GPC6: variants seen among roughly 807,000 people sequenced by gnomAD.
GPC6 encodes the protein glypican 6.
In GPC6, 14 loss-of-function variants were observed where a neutral mutation model predicts 55.2. That is an observed-to-expected ratio of 0.25 (90% CI 0.17 to 0.40). The LOEUF (loss-of-function observed/expected upper bound fraction) is 0.40, where lower values mean the gene tolerates loss of function less well. GPC6 is among the 10% of genes least tolerant of loss of function. The pLI is 1.00. For synonymous variants in GPC6, 278 were observed against 259.6 expected, an observed-to-expected ratio of 1.07 and a Z score of -0.68; for missense variants, 641 against 708.5, an observed-to-expected ratio of 0.90 and a Z score of 1.08.
At chr13:94,305,830 G>A in intron 5 of GPC6, 150 bp from the exon 6 acceptor site, 1 of 773,554 alleles carries the variant, frequency 1.3e-6, no homozygotes, top group Non-Finnish European at 2.3e-6. Flanking sequence ...TATATTAGTG[G>A]TTATACTTGT....
intron 2 of GPC6, among the ~76,000 whole-genome samples, chr13:93,641,911 G>T (rs1392999989): frequency 6.6e-6 from 1 of 151,742 alleles, no homozygotes; most frequent in Non-Finnish European, 1.5e-5. Flanking sequence ...TCATAATGAT[G>T]GTATGTCATC....
rs569567542 is a variant in GPC6, at chr13:93,324,744, C to T, written c.160+97128C>T. Among the ~76,000 whole-genome samples, 3 of 151,890 alleles carry T rather than the reference C, an allele frequency of 2.0e-5. No homozygotes were observed. In the South Asian group the frequency reaches 6.3e-4, roughly 32 times the overall value. ...TAAGTATTGGAGGATGTGGCTGTCT[C>T]ATATGGGGGGTTGGGGTTGCAGTAT... On this transcript the variant is annotated intron_variant, in intron 1 of 8. Transcript: ENST00000377047.
At chr13:94,347,951 G>A (rs570459451) in intron 6 of GPC6, among the ~76,000 whole-genome samples, 13 of 152,322 alleles carry the variant, frequency 8.5e-5, no homozygotes, top group African/African-American at 2.4e-4. Context: ...AAAAGCATGC[G>A]GACAGCATCT....
chr13:93,803,990 T>C (rs1428276720), intron 2 of GPC6, among the ~76,000 whole-genome samples: 1 of 152,168 alleles, frequency 6.6e-6, no homozygotes, highest in Non-Finnish European at 1.5e-5. Context: ...TTGATTGTTG[T>C]GATGGTTGCA....
intron 4 of GPC6, among the ~76,000 whole-genome samples, chr13:94,257,614 C>T (rs1159863308): frequency 1.3e-5 from 2 of 152,124 alleles, no homozygotes; most frequent in South Asian, 2.1e-4. Context: ...TAGACCAAAG[C>T]GAGCCTCTAG....
chr13:94,212,262 A>G (rs907785960), intron 4 of GPC6, among the ~76,000 whole-genome samples: 4 of 152,156 alleles, frequency 2.6e-5, no homozygotes, highest in African/African-American at 7.2e-5. Context: ...ATCAATATAT[A>G]TGAGAAGCTT....
At chr13:94,170,515 C>G (rs1018642293) in intron 4 of GPC6, among the ~76,000 whole-genome samples, 2 of 152,122 alleles carry the variant, frequency 1.3e-5, no homozygotes, top group African/African-American at 4.8e-5. Context: ...TGGTGACATA[C>G]TGAGAGTGAT....
At chr13:93,702,841 G>T (rs1035857499) in intron 2 of GPC6, among the ~76,000 whole-genome samples, 10 of 151,960 alleles carry the variant, frequency 6.6e-5, no homozygotes, top group Non-Finnish European at 1.3e-4. Context: ...GAGAGTTAAG[G>T]CCTTTCTGTT....
intron 6 of GPC6, among the ~76,000 whole-genome samples, chr13:94,353,167 C>CA (rs1566710136): frequency 6.6e-6 from 1 of 152,144 alleles, no homozygotes; most frequent in Non-Finnish European, 1.5e-5. Flanking sequence ...CCCTGTGGGT[C>CA]ACCTTCCATC....
intron 1 of GPC6, among the ~76,000 whole-genome samples, chr13:93,499,110 C>CACACAA (rs1317851443): frequency 1.3e-5 from 2 of 151,840 alleles, no homozygotes; most frequent in African/African-American, 4.8e-5. Flanking sequence ...CACACACACA[C>CACACAA]ACACACACAG....
intron 3 of GPC6, among the ~76,000 whole-genome samples, chr13:93,935,290 A>T (rs1878379811): frequency 6.6e-6 from 1 of 152,020 alleles, no homozygotes; most frequent in African/African-American, 2.4e-5. Flanking sequence ...TGGAGTTCCC[A>T]TTGTCTATTA....
chr13:93,276,458 C>CAGAGAGAGAGAG (rs144297308), intron 1 of GPC6, among the ~76,000 whole-genome samples: 68 of 117,522 alleles, frequency 5.8e-4, no homozygotes, highest in African/African-American at 1.5e-3. Flanking sequence ...CTGGCCTTTT[C>CAGAGAGAGAGAG]AGAGAGAGAG....
intron 1 of GPC6, among the ~76,000 whole-genome samples, chr13:93,525,215 G>T (rs2139405392): frequency 6.6e-6 from 1 of 152,180 alleles, no homozygotes; most frequent in Non-Finnish European, 1.5e-5. Context: ...CCAAGAGACT[G>T]CATGCTTTGA....
At chr13:93,889,575 A>G (rs1425999232) in intron 3 of GPC6, among the ~76,000 whole-genome samples, 4 of 152,152 alleles carry the variant, frequency 2.6e-5, no homozygotes, top group Non-Finnish European at 5.9e-5. Context: ...TGTACTAGGT[A>G]TCACTAAGAT....
At chr13:93,812,578 A>AT (rs1175196517) in intron 2 of GPC6, among the ~76,000 whole-genome samples, 6 of 152,092 alleles carry the variant, frequency 3.9e-5, no homozygotes, top group Non-Finnish European at 7.4e-5. Flanking sequence ...GCCAAATGCA[A>AT]TTTTTTCACT....
At chr13:93,390,767 T>C (rs887415497) in intron 1 of GPC6, among the ~76,000 whole-genome samples, 1 of 151,880 alleles carries the variant, frequency 6.6e-6, no homozygotes, top group African/African-American at 2.4e-5. Context: ...CTTGCATGTA[T>C]AGTTTTTTTT....
At chr13:93,253,775 A>G (rs543900154) in intron 1 of GPC6, among the ~76,000 whole-genome samples, 8 of 152,328 alleles carry the variant, frequency 5.3e-5, no homozygotes, top group African/African-American at 1.4e-4. Context: ...ACAAAACTGC[A>G]TTCATTGATC....
At chr13:93,779,778 C>A (rs767382925) in intron 2 of GPC6, among the ~76,000 whole-genome samples, 21 of 152,106 alleles carry the variant, frequency 1.4e-4, no homozygotes, top group Non-Finnish European at 2.9e-4. Flanking sequence ...AGAGGCACCA[C>A]GCATGTACCT....
At chr13:93,830,089 G>A in intron 2 of GPC6, 65 bp from the exon 3 acceptor site, 5 of 1,184,908 alleles carry the variant, frequency 4.2e-6, no homozygotes, top group Non-Finnish European at 4.9e-6. Context: ...TGTACTTAAG[G>A]TAAGTGGGTG....
Sources: allele counts gnomAD v4.1 joint callset (sites outside exome capture counted in the v4.1 genomes callset), GRCh38; gene constraint gnomAD v4.1.1; transcripts MANE v1.5; gene names NCBI Gene and HGNC (gene_info 2026-07-23, HGNC 2026-07-21).